PCCA: variants seen among roughly 807,000 people sequenced by gnomAD.
PCCA encodes the protein propionyl-CoA carboxylase alpha chain, mitochondrial.
In PCCA, 74 loss-of-function variants were observed where a neutral mutation model predicts 101.3. The observed-to-expected ratio is 0.73, with a 90% confidence interval of 0.61 to 0.89. The LOEUF (loss-of-function observed/expected upper bound fraction) is 0.89. Among genes scored for constraint, PCCA ranks in the 40% least tolerant of loss-of-function variants. PCCA has a pLI of 0.00. For missense variants in PCCA, 891 were observed against 907.0 expected (o/e 0.98, Z 0.23); for synonymous variants, 294 against 313.6 (o/e 0.94, Z 0.66).
chr13:100,398,349 T>C (rs1014754073), intron 19 of PCCA, among the ~76,000 whole-genome samples: 1 of 152,228 alleles, frequency 6.6e-6, no homozygotes, highest in African/African-American at 2.4e-5. Flanking sequence ...GAACGTTACC[T>C]CAGTGGGAAG....
chr13:100,161,783 T>G (rs897581262), intron 6 of PCCA, among the ~76,000 whole-genome samples: 2 of 152,150 alleles, frequency 1.3e-5, no homozygotes, highest in South Asian at 2.1e-4. Flanking sequence ...TACATTATTT[T>G]TATATATCGC....
chr13:100,153,876 A>T lies in PCCA; in HGVS notation c.301-1103A>T, dbSNP rs562512896. ...TCTTTTACCTTTCAATACTCAATAT[A>T]ATTTTTTACTAAAGTGGAAAATATT... On this transcript the variant is annotated intron_variant, in intron 4 of 23. Coordinates refer to ENST00000376285, the MANE Select transcript of PCCA (RefSeq NM_000282.4). Among the ~76,000 whole-genome samples, 3 of 152,360 alleles carry T rather than the reference A, an allele frequency of 2.0e-5. No individual in the cohort carries two copies. The South Asian group carries it at 6.2e-4, about 32-fold the overall frequency.
intron 6 of PCCA, among the ~76,000 whole-genome samples, chr13:100,202,434 T>G (rs2058581682): frequency 6.6e-6 from 1 of 151,796 alleles, no homozygotes; most frequent in Non-Finnish European, 1.5e-5. Context: ...AATGTTGCTG[T>G]CAAAGTCTGA....
chr13:100,364,256 C>G (rs189172165), intron 18 of PCCA, among the ~76,000 whole-genome samples: 7 of 152,274 alleles, frequency 4.6e-5, no homozygotes, highest in African/African-American at 1.7e-4. Context: ...GTTCTAAGAC[C>G]TTTTCCTTAT....
At chr13:100,249,062 A>G (rs1397992732) in intron 8 of PCCA, among the ~76,000 whole-genome samples, 1 of 152,096 alleles carries the variant, frequency 6.6e-6, no homozygotes, top group Non-Finnish European at 1.5e-5. Context: ...CTGTGTCTTT[A>G]TTCTTTTAAG....
intron 19 of PCCA, among the ~76,000 whole-genome samples, chr13:100,397,853 A>G (rs1188745719): frequency 6.6e-6 from 1 of 152,206 alleles, no homozygotes; most frequent in Non-Finnish European, 1.5e-5. Flanking sequence ...ACATAGCACA[A>G]TCTTCTGTTG....
intron 22 of PCCA, among the ~76,000 whole-genome samples, chr13:100,516,318 A>G (rs933756735): frequency 6.6e-6 from 1 of 152,226 alleles, no homozygotes; most frequent in Non-Finnish European, 1.5e-5. Flanking sequence ...CTCATGGATG[A>G]GGTGGTGATT....
chr13:100,355,341 C>T lies in PCCA; in HGVS notation c.1644-13131C>T, dbSNP rs151249080. Among the ~76,000 whole-genome samples the T allele has an allele frequency of 8.3e-3, 1,255 of 152,078 alleles. 9 individuals carry two copies. Among genetic ancestry groups the T allele is most frequent in the Middle Eastern group, 0.055 (16 of 292 alleles). ...AGGAGCATGTGTAATAAACCCACAC[C>T]TGAAAATAAGGGCATCTAGATTGGA... is the stretch of plus-strand genomic sequence containing the variant. On this transcript the variant is annotated intron_variant, in intron 18 of 23. Coordinates refer to ENST00000376285, the MANE Select transcript of PCCA (RefSeq NM_000282.4).
At chr13:100,154,772 G>A (rs1594411991) in intron 4 of PCCA, 4 of 559,058 alleles carry the variant, frequency 7.2e-6, no homozygotes, top group Middle Eastern at 4.8e-4. Context: ...GTTAGACAAT[G>A]AATTAGGCTG....
intron 19 of PCCA, among the ~76,000 whole-genome samples, chr13:100,393,927 A>G (rs887983246): frequency 2.0e-5 from 3 of 152,214 alleles, no homozygotes; most frequent in African/African-American, 7.2e-5. Context: ...CTGGAAAGAA[A>G]TTTCAGATAG....
At chr13:100,193,858 T>A (rs1420027649) in intron 6 of PCCA, among the ~76,000 whole-genome samples, 2 of 152,146 alleles carry the variant, frequency 1.3e-5, no homozygotes, top group African/African-American at 4.8e-5. Context: ...GGCAGGCAGA[T>A]CATGAGGTCA....
Position 100,097,603 on chromosome 13 carries a change from C to T in PCCA, c.106-5280C>T, listed in dbSNP as rs7326284. On this transcript the variant is annotated intron_variant, in intron 1 of 23. Coordinates refer to ENST00000376285, the MANE Select transcript of PCCA (RefSeq NM_000282.4). The stretch of plus-strand genomic sequence containing the variant: ...GCATGGTGGCACATGCCTGTAATCC[C>T]AGCTACTCGGGAGGCTGAGACGGGA... Among the ~76,000 whole-genome samples the T allele has an allele frequency of 8.1e-3, 1,229 of 152,160 alleles. 19 individuals carry two copies. Among genetic ancestry groups the T allele is most frequent in the African/African-American group, 0.029 (1,183 of 41,492 alleles).
intron 19 of PCCA, among the ~76,000 whole-genome samples, chr13:100,369,150 A>G (rs1455467598): frequency 6.6e-6 from 1 of 152,192 alleles, no homozygotes; most frequent in Non-Finnish European, 1.5e-5. Context: ...TAAAACTGTG[A>G]TCCGAGTGTG....
At chr13:100,261,379 T>G (rs1328053946) in intron 9 of PCCA, among the ~76,000 whole-genome samples, 3 of 151,978 alleles carry the variant, frequency 2.0e-5, no homozygotes, top group Non-Finnish European at 2.9e-5. Context: ...TCTTTTCTTT[T>G]TTTTTTGAGA....
intron 21 of PCCA, among the ~76,000 whole-genome samples, chr13:100,483,619 G>A (rs1417327578): frequency 6.6e-6 from 1 of 152,176 alleles, no homozygotes; most frequent in Non-Finnish European, 1.5e-5. Context: ...TATATCTGGG[G>A]TACTTTATTG....
At chr13:100,287,101 CTT>C (rs2064735612) in intron 12 of PCCA, among the ~76,000 whole-genome samples, 1 of 152,086 alleles carries the variant, frequency 6.6e-6, no homozygotes, top group African/African-American at 2.4e-5. Context: ...AATAATCAGT[CTT>C]TTCTGTAATA....
intron 19 of PCCA, among the ~76,000 whole-genome samples, chr13:100,387,092 C>T (rs190628139): frequency 2.6e-5 from 4 of 152,230 alleles, no homozygotes; most frequent in South Asian, 4.1e-4. Context: ...GAGTGCTGGT[C>T]CCACAGGTGT....
intron 7 of PCCA, among the ~76,000 whole-genome samples, chr13:100,210,898 A>G (rs2059171489): frequency 2.6e-5 from 4 of 152,158 alleles, no homozygotes; most frequent in Admixed American, 6.5e-5. Context: ...ACTTTTATCT[A>G]TGTGTATCCA....
At chr13:100,340,673 A>G (rs1239974807) in intron 18 of PCCA, among the ~76,000 whole-genome samples, 1 of 152,250 alleles carries the variant, frequency 6.6e-6, no homozygotes, top group Non-Finnish European at 1.5e-5. Context: ...AATTAACACC[A>G]GGTTGAGTTA....
Sources: allele counts gnomAD v4.1 joint callset (sites outside exome capture counted in the v4.1 genomes callset), GRCh38; gene constraint gnomAD v4.1.1; transcripts MANE v1.5; gene names NCBI Gene and HGNC (gene_info 2026-07-23, HGNC 2026-07-21).